The following GPHN variants were observed in gnomAD, a reference collection of about 807,000 sequenced individuals.
GPHN encodes gephyrin.
In GPHN, 17 loss-of-function variants were observed where a neutral mutation model predicts 95.5. The ratio of observed to expected loss-of-function variants is 0.18; its 90% CI spans 0.12 to 0.27. The LOEUF is 0.27. Ranked by LOEUF, GPHN falls within the 10% of genes least tolerant of loss-of-function variation. The pLI, the probability that GPHN is intolerant of heterozygous loss-of-function variation, is 1.00. For missense variants in GPHN, 660 were observed against 978.1 expected (o/e 0.67, Z 4.34); for synonymous variants, 320 against 322.5 (o/e 0.99, Z 0.08).
At chr14:67,259,463 T>G in the GPHN span, among the ~76,000 whole-genome samples, 1 of 151,726 alleles carries the variant, frequency 6.6e-6, no homozygotes, top group Non-Finnish European at 1.5e-5. Context: ...ATATAAAAAA[T>G]CAGCCGGGTG....
intron 9 of GPHN, among the ~76,000 whole-genome samples, chr14:66,987,122 G>T (rs1190358734): frequency 6.6e-6 from 1 of 152,112 alleles, no homozygotes; most frequent in African/African-American, 2.4e-5. Context: ...AGATTATTCA[G>T]TCAGAAAAAT....
At chr14:66,933,423 A>G (rs1464162438) in intron 8 of GPHN, among the ~76,000 whole-genome samples, 1 of 152,216 alleles carries the variant, frequency 6.6e-6, no homozygotes, top group African/African-American at 2.4e-5. Flanking sequence ...GCTTACTTTT[A>G]CAAGTTTTAC....
chr14:67,198,170 G>A, the GPHN span: 1 of 1,610,094 alleles, frequency 6.2e-7, no homozygotes, highest in Non-Finnish European at 8.5e-7. Context: ...CAATGAAGAA[G>A]AACACCAGCA....
the GPHN span, among the ~76,000 whole-genome samples, chr14:67,255,460 A>C: frequency 6.6e-6 from 1 of 152,166 alleles, no homozygotes; most frequent in South Asian, 2.1e-4. Flanking sequence ...GCTTTCTTAC[A>C]TTTTAAAATT....
the GPHN span, chr14:67,620,037 G>A: frequency 6.2e-7 from 1 of 1,612,398 alleles, no homozygotes; most frequent in Non-Finnish European, 8.5e-7. Flanking sequence ...CCATCCTGAA[G>A]AAATCCGTCC....
rs1332431980 is a variant in GPHN, at chr14:66,683,361, T to TTC, written c.143+2176_143+2177insTC. Among the ~76,000 whole-genome samples the TTC allele has an allele frequency of 7.1e-5, 6 of 84,922 alleles. 2 individuals are homozygous for TTC. Among genetic ancestry groups the TTC allele is most frequent in the African/African-American group, 4.0e-4 (6 of 15,180 alleles). 55.7% of individuals were successfully genotyped at this position (84,922 alleles called of 152,430 possible). On this transcript the variant is annotated intron_variant, in intron 2 of 22. Transcript: ENST00000478722. ...ATATATATATATATATATATATATA[T>TTC]ATATATATATATATATATGTTCATA... is the stretch of plus-strand genomic sequence containing the variant.
chr14:66,906,181 C>G (rs1033972677), intron 5 of GPHN, among the ~76,000 whole-genome samples: 1 of 152,108 alleles, frequency 6.6e-6, no homozygotes, highest in Non-Finnish European at 1.5e-5. Context: ...TGGGATGCAC[C>G]TCCTACAGCG....
chr14:67,608,781 G>T, the GPHN span, among the ~76,000 whole-genome samples: 1 of 152,216 alleles, frequency 6.6e-6, no homozygotes, highest in Admixed American at 6.5e-5. Flanking sequence ...ACATATTCTT[G>T]TTGTGTCCTC....
chr14:67,500,611 C>T, the GPHN span, among the ~76,000 whole-genome samples: 1 of 149,460 alleles, frequency 6.7e-6, no homozygotes, highest in African/African-American at 2.5e-5. Flanking sequence ...TCGCTCTGTC[C>T]CCCAGGCTGG....
At chr14:67,633,653 T>C in the GPHN span, among the ~76,000 whole-genome samples, 1 of 152,226 alleles carries the variant, frequency 6.6e-6, no homozygotes, top group Non-Finnish European at 1.5e-5. Context: ...AGATCCAAAA[T>C]GCAGATTTGA....
chr14:67,103,414 G>A (rs1035813189), intron 13 of GPHN, among the ~76,000 whole-genome samples: 4 of 151,522 alleles, frequency 2.6e-5, no homozygotes, highest in African/African-American at 7.3e-5. Context: ...ATTTTTATAG[G>A]AATTGCAATG....
chr14:67,326,259 T>TTTTTTTTTGGGG, the GPHN span, among the ~76,000 whole-genome samples: 1 of 122,984 alleles, frequency 8.1e-6, no homozygotes, highest in Admixed American at 9.3e-5. Context: ...TTTTTTTTTT[T>TTTTTTTTTGGGG]GAGAGGAGAT....
intron 1 of GPHN, among the ~76,000 whole-genome samples, chr14:66,585,486 G>A (rs2061383071): frequency 6.6e-6 from 1 of 152,122 alleles, no homozygotes; most frequent in Non-Finnish European, 1.5e-5. Context: ...ATGTTAGGGT[G>A]TCAATTTTAG....
At chr14:67,208,303 A>G in the GPHN span, 4 of 1,613,982 alleles carry the variant, frequency 2.5e-6, no homozygotes, top group Non-Finnish European at 3.4e-6. Flanking sequence ...CAAACATAAC[A>G]CTGACTTTTG....
the GPHN span, among the ~76,000 whole-genome samples, chr14:67,732,458 T>G: frequency 7.2e-6 from 1 of 137,972 alleles, no homozygotes; most frequent in Non-Finnish European, 1.5e-5. Flanking sequence ...CTCCTCAAAC[T>G]AGATACAGTA....
chr14:67,404,587 A>T, the GPHN span, among the ~76,000 whole-genome samples: 1 of 151,806 alleles, frequency 6.6e-6, no homozygotes, highest in East Asian at 1.9e-4. Context: ...AGATGGGAGG[A>T]TCACTTGAGC....
the GPHN span, chr14:67,615,870 G>A: frequency 1.6e-6 from 1 of 615,550 alleles, no homozygotes; most frequent in Non-Finnish European, 3.0e-6. Context: ...AAGAAACTGG[G>A]AGGGATGTGG....
the GPHN span, among the ~76,000 whole-genome samples, chr14:67,206,734 A>C: frequency 6.6e-6 from 1 of 151,688 alleles, no homozygotes; most frequent in Non-Finnish European, 1.5e-5. Flanking sequence ...ATTTATTATT[A>C]TTATTATTAT....
the GPHN span, among the ~76,000 whole-genome samples, chr14:67,194,273 AG>A: frequency 6.6e-6 from 1 of 150,978 alleles, no homozygotes; most frequent in East Asian, 2.0e-4. Context: ...CTGAGGTGGG[AG>A]GATCACTTGA....
Sources: allele counts gnomAD v4.1 joint callset (sites outside exome capture counted in the v4.1 genomes callset), GRCh38; gene constraint gnomAD v4.1.1; transcripts MANE v1.5; gene names NCBI Gene and HGNC (gene_info 2026-07-23, HGNC 2026-07-21).